PRKCI: variants seen among roughly 807,000 people sequenced by gnomAD.
The protein encoded by PRKCI is protein kinase C iota.
A neutral mutation model predicts 84.0 loss-of-function variants in PRKCI; 43 were observed. The observed-to-expected ratio is 0.51, with a 90% confidence interval of 0.40 to 0.66. The LOEUF (loss-of-function observed/expected upper bound fraction) is 0.66. Ranked by LOEUF, PRKCI falls within the 30% of genes least tolerant of loss-of-function variation. The pLI, the probability that PRKCI is intolerant of heterozygous loss-of-function variation, is 0.00. For missense variants in PRKCI, 459 were observed against 745.6 expected, an observed-to-expected ratio of 0.62 and a Z score of 4.48; for synonymous variants, 216 against 234.4, an observed-to-expected ratio of 0.92 and a Z score of 0.72.
At chr3:170,302,781 C>T (rs1033553594) in intron 17 of PRKCI, among the ~76,000 whole-genome samples, 2 of 152,134 alleles carry the variant, frequency 1.3e-5, no homozygotes, top group Non-Finnish European at 2.9e-5. Context: ...ATGGTGACAA[C>T]TGGTGTCTTT....
chr3:170,271,011 A>G (rs1733989733), intron 6 of PRKCI, among the ~76,000 whole-genome samples: 1 of 151,882 alleles, frequency 6.6e-6, no homozygotes, highest in Non-Finnish European at 1.5e-5. Flanking sequence ...ATTAATTTCT[A>G]TTTTAAATAT....
In PRKCI at chr3:170,304,587, A is replaced by G. The variant is rs1188716766; in HGVS notation, c.*1460A>G. On this transcript the variant is annotated 3_prime_UTR_variant, in exon 18 of 18. Coordinates refer to ENST00000295797, the MANE Select transcript of PRKCI (RefSeq NM_002740.6). ...CACATACACTCACACACATCACAGT[A>G]TCAGCTCTTTCAGTGAGTTTTTATT... 6.6e-6 allele frequency: 1 copy of G among 152,150 alleles called. No individual in the cohort carries two copies. The highest frequency in any genetic ancestry group is 2.4e-5 in the African/African-American group (1 of 41,440). The allele number at this position is 152,150 out of a possible 1,614,324, so 9.4% of individuals were successfully genotyped here.
intron 14 of PRKCI, among the ~76,000 whole-genome samples, chr3:170,294,217 G>A (rs1734639231): frequency 6.6e-6 from 1 of 152,100 alleles, no homozygotes; most frequent in Non-Finnish European, 1.5e-5. Flanking sequence ...GCACCAAGAT[G>A]ATGAGTGATC....
In PRKCI at chr3:170,285,447, G is replaced by A. The variant is rs995313774; in HGVS notation, c.1203+851G>A. On this transcript the variant is annotated intron_variant, in intron 12 of 17. Coordinates refer to ENST00000295797, the MANE Select transcript of PRKCI (RefSeq NM_002740.6). ...AATGTCTGATATTTTCCCACTAAAT[G>A]TGTAAGGAACTATTCCTTGTTAAGG... Among the ~76,000 whole-genome samples, 4 of 152,110 alleles carry A rather than the reference G, an allele frequency of 2.6e-5. No individual in the cohort carries two copies. In the East Asian group the frequency reaches 5.8e-4, roughly 22 times the overall value.
chr3:170,234,064 G>A (rs548165486), intron 1 of PRKCI, among the ~76,000 whole-genome samples: 7 of 82,728 alleles, frequency 8.5e-5, no homozygotes, highest in African/African-American at 1.4e-4. Context: ...ATGGAGTTTC[G>A]CTCTTGTTGC....
chr3:170,260,178 C>T lies in PRKCI; in HGVS notation c.313+120C>T, dbSNP rs568948250. 95 of 619,378 alleles carry T rather than the reference C, an allele frequency of 1.5e-4. 2 individuals carry two copies. In the South Asian group the frequency reaches 1.7e-3, roughly 11 times the overall value. 38.4% of individuals were successfully genotyped at this position (619,378 alleles called of 1,614,324 possible). A position where few individuals can be genotyped will look rare whatever the true frequency, so the allele number is the denominator to read the frequency against. ...TTTTCTCAATCTCTGTGACTCATGC[C>T]TAAGTAATTGTCGTTATTTAGTAGT... is the stretch of plus-strand genomic sequence containing the variant. On this transcript the variant is annotated intron_variant, in intron 3 of 17. Coordinates refer to ENST00000295797, the MANE Select transcript of PRKCI (RefSeq NM_002740.6).
Position 170,275,285 on chromosome 3 carries a change from G to T in PRKCI, c.703G>T (p.Glu235Ter), listed in dbSNP as rs1734088491. The T allele has an allele frequency of 1.9e-6, 3 of 1,596,562 alleles. No homozygotes were observed. The highest frequency in any genetic ancestry group is 2.6e-6 in the Non-Finnish European group (3 of 1,173,314). ...ESLDQVGEEK[E>*]AMNTRESGKA... ...TTTGGATCAAGTTGGTGAAGAAAAA[G>T]AGGTAAGATAATTTGTCTTATTGTA... Residue 235 changes from glutamate (E) to a stop codon, truncating the protein, a stop_gained and splice_region_variant, in exon 8 of 18, where the codon GAG becomes TAG. Transcript: ENST00000295797. LOFTEE classifies it high-confidence loss of function.
At chr3:170,297,264 T>C in intron 15 of PRKCI, 40 bp from the exon 16 acceptor site, 1 of 1,476,032 alleles carries the variant, frequency 6.8e-7, no homozygotes, top group Non-Finnish European at 9.5e-7. Flanking sequence ...TTTTAAAGCA[T>C]GACATTCACC....
chr3:170,233,886 A>G (rs151107525), intron 1 of PRKCI, among the ~76,000 whole-genome samples: 3,090 of 151,600 alleles, frequency 0.02, 50 homozygotes, highest in East Asian at 0.085. Context: ...ATGCCTGGCT[A>G]ATTTTTGTAT....
intron 2 of PRKCI, among the ~76,000 whole-genome samples, chr3:170,237,088 G>A (rs75661150): frequency 0.02 from 3,104 of 152,300 alleles, 52 homozygotes; most frequent in East Asian, 0.085. Context: ...TAACAGAGTA[G>A]AAGTTTTTGA....
chr3:170,245,136 G>C (rs917663596), intron 2 of PRKCI, among the ~76,000 whole-genome samples: 1 of 152,158 alleles, frequency 6.6e-6, no homozygotes, highest in Non-Finnish European at 1.5e-5. Flanking sequence ...GGAGAAGTCA[G>C]TTGTAGGGGT....
Position 170,263,386 on chromosome 3 carries a change from T to C in PRKCI, c.321T>C (p.Pro107=). ...KDSELLIHVF[P]CVPERPGMPC... is the part of the protein sequence containing the mutation. Reference sequence around the variant, plus strand: ...TCGTTTATTTTCTTTCAGTGTTCCCTTGTGTACCAGAACGTCCTGGGATGC... The same window carrying C: ...TCGTTTATTTTCTTTCAGTGTTCCCCTGTGTACCAGAACGTCCTGGGATGC... The change falls in exon 4 of 18, where the codon CCT becomes CCC. Residue 107 remains proline (P), a synonymous_variant. Coordinates refer to ENST00000295797, the MANE Select transcript of PRKCI (RefSeq NM_002740.6). 6.2e-7 allele frequency: 1 copy of C among 1,601,480 alleles called. No individual in the cohort carries two copies. Among genetic ancestry groups the C allele is most frequent in the Non-Finnish European group, 8.6e-7 (1 of 1,168,644 alleles).
At chr3:170,229,386 C>T (rs1732728876) in intron 1 of PRKCI, among the ~76,000 whole-genome samples, 1 of 151,996 alleles carries the variant, frequency 6.6e-6, no homozygotes, top group Non-Finnish European at 1.5e-5. Flanking sequence ...TGATCTAGGC[C>T]CTCTGCAGCC....
chr3:170,288,022 G>A (rs1362827263), intron 12 of PRKCI, among the ~76,000 whole-genome samples: 4 of 151,642 alleles, frequency 2.6e-5, no homozygotes, highest in Admixed American at 1.3e-4. Flanking sequence ...CGAGGCAGGC[G>A]GATCACAGGT....
chr3:170,240,026 G>A (rs949898791), intron 2 of PRKCI, among the ~76,000 whole-genome samples: 4 of 152,018 alleles, frequency 2.6e-5, no homozygotes, highest in Admixed American at 6.6e-5. Flanking sequence ...GCTGGGCATG[G>A]TGGTACACAC....
At chr3:170,249,420 T>C (rs1733379945) in intron 2 of PRKCI, among the ~76,000 whole-genome samples, 1 of 152,018 alleles carries the variant, frequency 6.6e-6, no homozygotes, top group Admixed American at 6.6e-5. Context: ...AGAGAGTGCG[T>C]GTGTGCGTTT....
At chr3:170,275,190 T>C in intron 7 of PRKCI, 39 bp from the exon 8 acceptor site, 1 of 937,252 alleles carries the variant, frequency 1.1e-6, no homozygotes, top group Non-Finnish European at 1.4e-6. Flanking sequence ...CCTGCACCTT[T>C]TTTTTTTTTT....
At chr3:170,260,543 C>A (rs1242876204) in intron 3 of PRKCI, among the ~76,000 whole-genome samples, 1 of 152,128 alleles carries the variant, frequency 6.6e-6, no homozygotes, top group Non-Finnish European at 1.5e-5. Context: ...CCCACTGCAA[C>A]CTCTGCCTCC....
At chr3:170,238,113 A>T (rs1037980210) in intron 2 of PRKCI, among the ~76,000 whole-genome samples, 2 of 152,170 alleles carry the variant, frequency 1.3e-5, no homozygotes, top group African/African-American at 4.8e-5. Flanking sequence ...CTATAATCCC[A>T]GCATTTTGGG....
Sources: allele counts gnomAD v4.1 joint callset (sites outside exome capture counted in the v4.1 genomes callset), GRCh38; gene constraint gnomAD v4.1.1; transcripts MANE v1.5; gene names NCBI Gene and HGNC (gene_info 2026-07-23, HGNC 2026-07-21).